The following PTPRD variants were observed in gnomAD, a reference collection of about 807,000 sequenced individuals.
PTPRD encodes receptor-type tyrosine-protein phosphatase delta.
A neutral mutation model predicts 214.5 loss-of-function variants in PTPRD; 34 were observed. That is an observed-to-expected ratio of 0.16 (90% CI 0.12 to 0.21). PTPRD has a LOEUF of 0.21. Ranked by LOEUF, PTPRD falls within the 10% of genes least tolerant of loss-of-function variation. The pLI is 1.00. For synonymous variants in PTPRD, 1,128 were observed against 845.7 expected, an observed-to-expected ratio of 1.33 and a Z score of -5.79; for missense variants, 2,545 against 2,398.7, an observed-to-expected ratio of 1.06 and a Z score of -1.27.
chr9:8,716,468 T>C (rs976516411), intron 12 of PTPRD, among the ~76,000 whole-genome samples: 2 of 152,216 alleles, frequency 1.3e-5, no homozygotes, highest in Non-Finnish European at 2.9e-5. Context: ...CATTTCCTAT[T>C]GTTAAGCACA....
intron 8 of PTPRD, among the ~76,000 whole-genome samples, chr9:9,457,189 T>C (rs7856640): frequency 0.17 from 25,641 of 151,866 alleles, 2,409 homozygotes; most frequent in Middle Eastern, 0.29. Context: ...TTATTTACTC[T>C]GTTACCCTCC....
At chr9:9,453,919 C>A (rs2092621952) in intron 8 of PTPRD, among the ~76,000 whole-genome samples, 1 of 151,656 alleles carries the variant, frequency 6.6e-6, no homozygotes, top group African/African-American at 2.4e-5. Flanking sequence ...GTATATTACT[C>A]TACATGAGAT....
intron 2 of PTPRD, among the ~76,000 whole-genome samples, chr9:10,441,963 TA>T (rs957274485): frequency 2.6e-5 from 4 of 151,566 alleles, no homozygotes; most frequent in East Asian, 3.9e-4. Context: ...GTCTGATGAC[TA>T]AAAAAACTGG....
In PTPRD at chr9:9,702,570, A is replaced by G. The variant is rs575969066; in HGVS notation, c.-287+31963T>C. On this transcript the variant is annotated intron_variant, in intron 7 of 45. Transcript: ENST00000381196. The stretch of plus-strand genomic sequence containing the variant: ...CAGGTGGATAGTTAATGAAGCACAG[A>G]CAAGAGAAAAACAGTACTTTCAAGC... 2.0e-5 allele frequency among the ~76,000 whole-genome samples: 3 copies of G among 152,294 alleles called. No homozygotes were observed. The East Asian group carries it at 5.8e-4, about 29-fold the overall frequency.
At chr9:9,466,907 T>G (rs2094202340) in intron 8 of PTPRD, among the ~76,000 whole-genome samples, 1 of 152,176 alleles carries the variant, frequency 6.6e-6, no homozygotes, top group African/African-American at 2.4e-5. Context: ...TTGAGTTAGC[T>G]TGTCAAGTAC....
chr9:9,474,534 T>TA (rs2094879990), intron 8 of PTPRD, among the ~76,000 whole-genome samples: 1 of 152,130 alleles, frequency 6.6e-6, no homozygotes, highest in Non-Finnish European at 1.5e-5. Flanking sequence ...CTTTGGTCGT[T>TA]ACGGTAATTT....
chr9:8,373,864 GTCTATCTATCTATCTATCTATCTA>G (rs368216657), intron 39 of PTPRD, among the ~76,000 whole-genome samples: 16 of 107,938 alleles, frequency 1.5e-4, no homozygotes, highest in South Asian at 6.3e-4. Context: ...GTGTCTGTCT[GTCTATCTATCTATCTATCTATCTA>G]TCTATCTATC....
intron 5 of PTPRD, among the ~76,000 whole-genome samples, chr9:9,767,277 T>C (rs1416736865): frequency 1.3e-5 from 2 of 152,068 alleles, no homozygotes; most frequent in Non-Finnish European, 2.9e-5. Context: ...TTATAATGTT[T>C]GTTCATCAAA....
At chr9:10,039,938 A>G (rs1051636261) in intron 3 of PTPRD, among the ~76,000 whole-genome samples, 2 of 152,086 alleles carry the variant, frequency 1.3e-5, no homozygotes, top group Non-Finnish European at 2.9e-5. Context: ...TCTAATTTCT[A>G]AGGAAAATAT....
At chr9:9,650,013 G>A (rs903584600) in intron 7 of PTPRD, among the ~76,000 whole-genome samples, 1 of 152,146 alleles carries the variant, frequency 6.6e-6, no homozygotes, top group African/African-American at 2.4e-5. Flanking sequence ...ATATGGTTTG[G>A]TTCTGTGTCC....
At chr9:10,065,329 T>G (rs1337510177) in intron 3 of PTPRD, among the ~76,000 whole-genome samples, 1 of 151,924 alleles carries the variant, frequency 6.6e-6, no homozygotes, top group Non-Finnish European at 1.5e-5. Context: ...TGCTTTCTGT[T>G]ATTAGCCACC....
intron 9 of PTPRD, among the ~76,000 whole-genome samples, chr9:9,318,712 C>G (rs1179910686): frequency 6.6e-6 from 1 of 152,124 alleles, no homozygotes; most frequent in Non-Finnish European, 1.5e-5. Flanking sequence ...TAATACAACA[C>G]AGACAACATC....
At chr9:9,404,712 T>C (rs1030477683) in intron 8 of PTPRD, among the ~76,000 whole-genome samples, 1 of 152,054 alleles carries the variant, frequency 6.6e-6, no homozygotes, top group African/African-American at 2.4e-5. Flanking sequence ...GGACTAGAGA[T>C]AAACATTGAG....
chr9:8,427,481 G>A (rs2094759061), intron 35 of PTPRD, among the ~76,000 whole-genome samples: 1 of 152,018 alleles, frequency 6.6e-6, no homozygotes, highest in Admixed American at 6.6e-5. Flanking sequence ...TGTGTGCCGA[G>A]CGGTGAGCTT....
rs2142161024 is a variant in PTPRD at position 9,416,094 on chromosome 9, T to G, written c.-236-18612A>C. On this transcript the variant is annotated intron_variant, in intron 8 of 45. Transcript: ENST00000381196. ...TAATAAATTGCCAAGTCCAGTTGAT[T>G]CTGTCTTCTAAATATCTCTTGAGGG... is the stretch of plus-strand genomic sequence containing the variant. Among the ~76,000 whole-genome samples, 6 of 152,302 alleles carry G rather than the reference T, an allele frequency of 3.9e-5. No homozygotes were observed. The South Asian group carries it at 1.0e-3, about 26-fold the overall frequency.
intron 3 of PTPRD, among the ~76,000 whole-genome samples, chr9:10,241,442 A>C (rs2091026069): frequency 6.6e-6 from 1 of 152,032 alleles, no homozygotes. Context: ...AGAACTGACA[A>C]GAGTAGACGG....
At chr9:9,887,788 G>A (rs116377335) in intron 5 of PTPRD, among the ~76,000 whole-genome samples, 1 of 152,210 alleles carries the variant, frequency 6.6e-6, no homozygotes, top group East Asian at 1.9e-4. Context: ...AAAATGTGGA[G>A]GGGGCAATAT....
At chr9:10,067,072 G>A (rs567568451) in intron 3 of PTPRD, among the ~76,000 whole-genome samples, 1 of 151,872 alleles carries the variant, frequency 6.6e-6, no homozygotes, top group Admixed American at 6.6e-5. Context: ...GGGTGATGTT[G>A]GTGGCACTAT....
chr9:8,592,777 G>A (rs898129644), intron 14 of PTPRD, among the ~76,000 whole-genome samples: 2 of 152,172 alleles, frequency 1.3e-5, no homozygotes, highest in Admixed American at 1.3e-4. Context: ...ACAAATAATT[G>A]TAATATAACA....
Sources: gnomAD v4.1 joint callset for allele counts (sites outside exome capture counted in the v4.1 genomes callset) on GRCh38, gnomAD v4.1.1 for gene constraint, MANE v1.5 for transcripts, NCBI Gene and HGNC (gene_info 2026-07-23, HGNC 2026-07-21) for gene names.